Variants in ROBO1 observed in about 807,000 individuals in gnomAD.
ROBO1 encodes the protein roundabout guidance receptor 1, also known as roundabout homolog 1.
ROBO1 carries 149 observed loss-of-function variants against 195.9 expected under a neutral mutation model. The observed-to-expected ratio is 0.76, with a 90% confidence interval of 0.67 to 0.87. The LOEUF (loss-of-function observed/expected upper bound fraction) is 0.87. Ranked by LOEUF, ROBO1 falls within the 40% of genes least tolerant of loss-of-function variation. ROBO1 has a pLI of 0.00. For missense variants in ROBO1, 1,933 were observed against 2,068.3 expected, an observed-to-expected ratio of 0.93 and a Z score of 1.27; for synonymous variants, 816 against 733.2, an observed-to-expected ratio of 1.11 and a Z score of -1.82.
At chr3:79,445,540 T>A (rs185465594) in intron 2 of ROBO1, among the ~76,000 whole-genome samples, 10 of 144,188 alleles carry the variant, frequency 6.9e-5, no homozygotes, top group South Asian at 2.3e-4. Flanking sequence ...TGCTCTGTCA[T>A]CCAGGCTGGA....
intron 7 of ROBO1, 80 bp downstream of exon 7, chr3:78,717,195 G>T: frequency 7.1e-7 from 1 of 1,416,200 alleles, no homozygotes; most frequent in South Asian, 1.4e-5. Context: ...CTATTCTAAT[G>T]GCCCGGATGT....
intron 3 of ROBO1, among the ~76,000 whole-genome samples, chr3:79,084,786 C>T (rs1449408775): frequency 6.6e-6 from 1 of 152,006 alleles, no homozygotes; most frequent in Admixed American, 6.6e-5. Flanking sequence ...ATGTTCAGGT[C>T]CCAAGACAGT....
Position 79,251,978 on chromosome 3 carries a change from A to G in ROBO1, c.89-126439T>C, listed in dbSNP as rs1351406010. Among the ~76,000 whole-genome samples the G allele has an allele frequency of 2.0e-5, 3 of 151,836 alleles. No individual in the cohort carries two copies. The East Asian group carries it at 5.8e-4, about 29-fold the overall frequency. On this transcript the variant is annotated intron_variant, in intron 2 of 30. Transcript: ENST00000464233. ...GAAACCAGAAAACTTAGGTGACCCA[A>G]AATCAAGATTTTCCTCAGAGTCTTT...
At chr3:79,537,230 C>G (rs56769306) in intron 2 of ROBO1, among the ~76,000 whole-genome samples, 5 of 151,834 alleles carry the variant, frequency 3.3e-5, no homozygotes, top group African/African-American at 7.3e-5. Context: ...ACTCTAGCTT[C>G]TAGGGGAAGA....
At chr3:79,157,175 C>T (rs1427046392) in intron 2 of ROBO1, among the ~76,000 whole-genome samples, 1 of 151,780 alleles carries the variant, frequency 6.6e-6, no homozygotes. Context: ...TAGAAATAGT[C>T]CTCTGGGGAA....
chr3:78,688,033 T>C (rs993051805), intron 9 of ROBO1, among the ~76,000 whole-genome samples: 1 of 152,232 alleles, frequency 6.6e-6, no homozygotes, highest in African/African-American at 2.4e-5. Context: ...AGTCCAATAA[T>C]GAACTTAGAG....
chr3:79,659,747 C>T (rs1227170624), intron 1 of ROBO1, among the ~76,000 whole-genome samples: 1 of 152,086 alleles, frequency 6.6e-6, no homozygotes, highest in Non-Finnish European at 1.5e-5. Flanking sequence ...ACCATGTCGA[C>T]AGTGAGTTGG....
At chr3:78,969,362 C>T (rs912050493) in intron 3 of ROBO1, among the ~76,000 whole-genome samples, 1 of 152,208 alleles carries the variant, frequency 6.6e-6, no homozygotes, top group African/African-American at 2.4e-5. Flanking sequence ...AGTCTACAAA[C>T]AAAAAGAATA....
intron 2 of ROBO1, among the ~76,000 whole-genome samples, chr3:79,311,892 TA>T (rs1347763234): frequency 1.3e-5 from 2 of 152,070 alleles, no homozygotes; most frequent in African/African-American, 4.8e-5. Flanking sequence ...TCCTGTGGTT[TA>T]AAAAAAGCCA....
intron 3 of ROBO1, among the ~76,000 whole-genome samples, chr3:78,963,506 T>TC (rs1429024679): frequency 1.6e-5 from 2 of 121,266 alleles, no homozygotes; most frequent in African/African-American, 3.2e-5. Flanking sequence ...TTTTTTTTTT[T>TC]TTTTTTTTTT....
chr3:79,725,101 G>C (rs898720083), intron 1 of ROBO1, among the ~76,000 whole-genome samples: 2 of 152,038 alleles, frequency 1.3e-5, no homozygotes, highest in Non-Finnish European at 2.9e-5. Context: ...CAGTGATAAG[G>C]CATTGGTGTT....
chr3:79,166,567 T>C (rs924902297), intron 2 of ROBO1, among the ~76,000 whole-genome samples: 2 of 149,772 alleles, frequency 1.3e-5, no homozygotes, highest in Non-Finnish European at 3.0e-5. Flanking sequence ...TTTCTTTTTT[T>C]TTTTTTTTTT....
chr3:78,693,506 A>T, intron 8 of ROBO1: 1 of 576,224 alleles, frequency 1.7e-6, no homozygotes, highest in Non-Finnish European at 3.0e-6. Context: ...CACACTGTAC[A>T]TGGATGAATA....
chr3:78,819,670 T>C (rs2030652149), intron 4 of ROBO1, among the ~76,000 whole-genome samples: 1 of 152,136 alleles, frequency 6.6e-6, no homozygotes, highest in South Asian at 2.1e-4. Context: ...CCTACTCCAA[T>C]ATCAACTATC....
chr3:79,664,147 ATTATT>A (rs1423745717), intron 1 of ROBO1, among the ~76,000 whole-genome samples: 2 of 152,074 alleles, frequency 1.3e-5, no homozygotes, highest in Non-Finnish European at 2.9e-5. Context: ...ATGAATTATT[ATTATT>A]TTATTTTAAT....
intron 3 of ROBO1, among the ~76,000 whole-genome samples, chr3:78,984,895 C>T (rs2077071836): frequency 6.6e-6 from 1 of 152,182 alleles, no homozygotes; most frequent in African/African-American, 2.4e-5. Flanking sequence ...TTTCCTTCAG[C>T]CTCTACCACT....
intron 2 of ROBO1, among the ~76,000 whole-genome samples, chr3:79,239,232 TCAAAA>T (rs879416787): frequency 4.6e-5 from 7 of 152,104 alleles, no homozygotes; most frequent in Non-Finnish European, 1.0e-4. Flanking sequence ...TAAAGTGCAC[TCAAAA>T]CAAACCTATT....
At chr3:78,915,087 G>A (rs531653225) in intron 4 of ROBO1, among the ~76,000 whole-genome samples, 26 of 152,138 alleles carry the variant, frequency 1.7e-4, no homozygotes, top group African/African-American at 5.3e-4. Context: ...CTCTTATTCC[G>A]CATGTGGCAT....
intron 2 of ROBO1, among the ~76,000 whole-genome samples, chr3:79,502,674 G>C (rs1348219654): frequency 6.6e-6 from 1 of 152,034 alleles, no homozygotes; most frequent in Non-Finnish European, 1.5e-5. Context: ...GGTGAGGCCA[G>C]CTGGGCTCCT....
Sources: allele counts gnomAD v4.1 joint callset (sites outside exome capture counted in the v4.1 genomes callset), GRCh38; gene constraint gnomAD v4.1.1; transcripts MANE v1.5; gene names NCBI Gene and HGNC (gene_info 2026-07-23, HGNC 2026-07-21).